Variants in SPG7 observed in about 807,000 individuals in gnomAD.
The protein encoded by SPG7 is mitochondrial inner membrane m-AAA protease component paraplegin.
Under a neutral mutation model 81.9 loss-of-function variants are expected in SPG7, and 103 were observed. That is an observed-to-expected ratio of 1.26 (90% CI 1.07 to 1.48). The LOEUF is 1.48. SPG7 is among the 40% of genes most tolerant of loss of function. The pLI, the probability that SPG7 is intolerant of heterozygous loss-of-function variation, is 0.00. For missense variants in SPG7, 1,241 were observed against 1,087.3 expected, an observed-to-expected ratio of 1.14 and a Z score of -1.99; for synonymous variants, 534 against 444.2, an observed-to-expected ratio of 1.20 and a Z score of -2.54.
At chr16:89,543,645 GATTCTTTTT>G (rs1250502861) in intron 9 of SPG7, 1 of 127,620 alleles carries the variant, frequency 7.8e-6, no homozygotes, top group African/African-American at 3.0e-5. Context: ...GCCACCAGTG[GATTCTTTTT>G]TTTTTTTTTT....
chr16:89,553,204 G>C, intron 14 of SPG7, 69 bp downstream of exon 14: 1 of 1,434,188 alleles, frequency 7.0e-7, no homozygotes. Flanking sequence ...TTCTGTTCCA[G>C]TGCATGCCAT....
chr16:89,539,989 C>T (rs192243789), intron 9 of SPG7: 23 of 152,406 alleles, frequency 1.5e-4, no homozygotes, highest in African/African-American at 4.6e-4. Flanking sequence ...GAAAAGTGCT[C>T]CAGCCCCACT....
intron 1 of SPG7, among the ~76,000 whole-genome samples, chr16:89,510,097 C>T (rs1174738479): frequency 6.6e-6 from 1 of 152,084 alleles, no homozygotes; most frequent in Non-Finnish European, 1.5e-5. Flanking sequence ...GCCTCAGCTT[C>T]CTGAGTAGCT....
chr16:89,531,875 T>G, intron 7 of SPG7, 29 bp from the exon 8 acceptor site: 1 of 1,612,942 alleles, frequency 6.2e-7, no homozygotes, highest in Non-Finnish European at 8.5e-7. Context: ...CCCCAAGTAG[T>G]TAGTGTTGCA....
intron 3 of SPG7, among the ~76,000 whole-genome samples, chr16:89,515,724 T>G (rs35351531): frequency 0.42 from 62,624 of 148,974 alleles, 13,873 homozygotes; most frequent in East Asian, 0.67. Context: ...TATTTTTTTT[T>G]TTGAGATGGG....
At chr16:89,536,591 GAGGC>G (rs1567919035) in intron 9 of SPG7, among the ~76,000 whole-genome samples, 29 of 144,738 alleles carry the variant, frequency 2.0e-4, no homozygotes, top group Admixed American at 3.4e-4. Flanking sequence ...CGGGTGAGGT[GAGGC>G]AGGTGAGGTG....
Position 89,524,030 on chromosome 16 carries a change from A to T in SPG7, c.401A>T (p.Asp134Val). 4 of 1,612,858 alleles carry T rather than the reference A, an allele frequency of 2.5e-6. No individual in the cohort carries two copies. Among genetic ancestry groups the T allele is most frequent in the Non-Finnish European group, 3.4e-6 (4 of 1,179,958 alleles). Reference protein sequence around the residue: ...DEEERRRRERDDQMYRERLRT... With the variant: ...DEEERRRRERVDQMYRERLRT... ...GAGGAGAGGAGACGCCGTGAGCGGGACGACCAGATGTACCGAGAGCGGCTG... is the reference window on the plus strand; with the variant it reads ...GAGGAGAGGAGACGCCGTGAGCGGGTCGACCAGATGTACCGAGAGCGGCTG... Residue 134 changes from aspartate to valine, a missense_variant, in exon 4 of 17, where the codon GAC (aspartate) becomes GTC (valine). Coordinates refer to ENST00000645818, the MANE Select transcript of SPG7 (RefSeq NM_003119.4).
At chr16:89,551,375 G>C (rs2058632840) in intron 13 of SPG7, 2 of 156,454 alleles carry the variant, frequency 1.3e-5, no homozygotes, top group South Asian at 3.9e-4. Flanking sequence ...TCCGTGATTG[G>C]TTCTCAGGTG....
intron 10 of SPG7, chr16:89,544,976 A>G (rs112792594): frequency 4.7e-6 from 3 of 639,698 alleles, no homozygotes; most frequent in African/African-American, 3.6e-5. Flanking sequence ...TGTGGCCCCC[A>G]CATTGGCTGC....
At chr16:89,523,535 T>C (rs1008694808) in intron 3 of SPG7, 1 of 359,288 alleles carries the variant, frequency 2.8e-6, no homozygotes, top group Admixed American at 3.6e-5. Context: ...AGCTTGCACT[T>C]TGCAGCAGGA....
intron 10 of SPG7, chr16:89,545,588 C>T (rs576077010): frequency 1.4e-5 from 3 of 217,742 alleles, no homozygotes; most frequent in South Asian, 5.3e-5. Context: ...GGGGACATGG[C>T]TTCTCCAGGG....
chr16:89,525,661 A>G (rs937228018), intron 4 of SPG7, among the ~76,000 whole-genome samples: 8 of 152,128 alleles, frequency 5.3e-5, no homozygotes, highest in Non-Finnish European at 7.4e-5. Flanking sequence ...TACTTAGGAA[A>G]ACGCTGCGTT....
chr16:89,537,291 G>A, intron 9 of SPG7: 4 of 1,129,968 alleles, frequency 3.5e-6, no homozygotes, highest in South Asian at 3.9e-5. Context: ...CAGAGCCCCC[G>A]GGAAGGGCGC....
At chr16:89,509,555 A>G (rs1284877758) in intron 1 of SPG7, among the ~76,000 whole-genome samples, 1 of 151,782 alleles carries the variant, frequency 6.6e-6, no homozygotes, top group Non-Finnish European at 1.5e-5. Context: ...CGGCCATAAA[A>G]CATATTTAAA....
chr16:89,525,489 G>C (rs1180516822), intron 4 of SPG7, among the ~76,000 whole-genome samples: 1 of 152,134 alleles, frequency 6.6e-6, no homozygotes, highest in Non-Finnish European at 1.5e-5. Context: ...AGCAGTTTGG[G>C]GTGTGAGTGA....
In SPG7 at chr16:89,553,153, G is replaced by A. The variant is rs75437341; in HGVS notation, c.1936+18G>A. 1.5e-5 allele frequency: 23 copies of A among 1,581,058 alleles called. No individual in the cohort carries two copies. The highest frequency in any genetic ancestry group is 3.4e-5 in the South Asian group (3 of 86,972). On this transcript the variant is annotated intron_variant, in intron 14 of 16. Coordinates refer to ENST00000645818, the MANE Select transcript of SPG7 (RefSeq NM_003119.4). ...CACTTCTGGTGAGGAGCAGCGGCGC[G>A]GGCCCTGGAGGTTTCAGAGCGCTTT... is the stretch of plus-strand genomic sequence containing the variant.
intron 3 of SPG7, chr16:89,519,759 A>T (rs1597614782): frequency 6.6e-6 from 1 of 152,166 alleles, no homozygotes; most frequent in East Asian, 1.9e-4. Flanking sequence ...GTCAAGGTGG[A>T]GCCCCTGCCC....
At chr16:89,529,823 C>T in intron 6 of SPG7, 1 of 561,408 alleles carries the variant, frequency 1.8e-6, no homozygotes, top group Non-Finnish European at 3.2e-6. Flanking sequence ...GATTACAGGG[C>T]AGTTGAATCT....
Position 89,526,350 on chromosome 16 carries a change from A to C in SPG7, c.640A>C (p.Met214Leu). 6.2e-7 allele frequency: 1 copy of C among 1,614,122 alleles called. No individual in the cohort carries two copies. The highest frequency in any genetic ancestry group is 8.5e-7 in the Non-Finnish European group (1 of 1,180,010). Residue 214 changes from methionine (M) to leucine (L), a missense_variant, in exon 5 of 17, where the codon ATG becomes CTG. Transcript: ENST00000645818. Reference protein sequence around the residue: ...GRPRLALMYRMQVANIDKFEE... With the variant: ...GRPRLALMYRLQVANIDKFEE... ...CCAGCGGCTAGCCTTGATGTACCGA[A>C]TGCAGGTTGCAAATATTGACAAGTT...
Sources: allele counts gnomAD v4.1 joint callset (sites outside exome capture counted in the v4.1 genomes callset), GRCh38; gene constraint gnomAD v4.1.1; transcripts MANE v1.5; gene names NCBI Gene and HGNC (gene_info 2026-07-23, HGNC 2026-07-21).